Variants in ACAT1 observed in about 807,000 individuals in gnomAD.
ACAT1 encodes acetyl-CoA acetyltransferase, mitochondrial.
In ACAT1, 28 loss-of-function variants were observed where a neutral mutation model predicts 47.3. The observed-to-expected ratio is 0.59, with a 90% CI of 0.44 to 0.81. The LOEUF (loss-of-function observed/expected upper bound fraction) is 0.81, where lower values mean the gene tolerates loss of function less well. Among genes scored for constraint, ACAT1 ranks in the 30% least tolerant of loss-of-function variants. The pLI, the probability that ACAT1 is intolerant of heterozygous loss-of-function variation, is 0.00. For missense variants in ACAT1, 469 were observed against 524.3 expected (o/e 0.89, Z 1.03); for synonymous variants, 181 against 173.6 (o/e 1.04, Z -0.34).
chr11:108,128,244 A>G lies in ACAT1; in HGVS notation c.73-3663A>G, dbSNP rs564225181. ...TGAACTGTAAAGAGGAGGTGAGGAC[A>G]AGCAAATAGACACTGTAGGTAACCT... On this transcript the variant is annotated intron_variant, in intron 1 of 11. Coordinates refer to ENST00000265838, the MANE Select transcript of ACAT1 (RefSeq NM_000019.4). Among the ~76,000 whole-genome samples, 12 of 152,342 alleles carry G rather than the reference A, an allele frequency of 7.9e-5. No homozygotes were observed. The South Asian group carries it at 2.5e-3, about 32-fold the overall frequency.
chr11:108,146,158 A>G (rs1227221594), intron 10 of ACAT1, 44 bp from the exon 11 acceptor site: 1 of 1,472,996 alleles, frequency 6.8e-7, no homozygotes, highest in Non-Finnish European at 9.5e-7. Flanking sequence ...GTAAGTTGTG[A>G]TTGCTAATTA....
In ACAT1 at chr11:108,141,369, C is replaced by CAAAAAAAAA. The variant is rs60002941; in HGVS notation, c.731-218_731-210dup. ...TAAGCAGGAGAGGGAAACCCTGCCT[C>CAAAAAAAAA]AAAAAAAAAAAAAAAAAAAAAAAAA... On this transcript the variant is annotated intron_variant, in intron 7 of 11. Transcript: ENST00000265838. 1.0e-2 allele frequency among the ~76,000 whole-genome samples: 689 copies of CAAAAAAAAA among 69,230 alleles called. 31 individuals carry two copies. The highest frequency in any genetic ancestry group is 0.023 in the East Asian group (37 of 1,602). The allele number at this position is 69,230 out of a possible 152,430, so 45.4% of individuals were successfully genotyped here.
chr11:108,141,716 T>C lies in ACAT1; in HGVS notation c.826+16T>C, dbSNP rs1439192058. On this transcript the variant is annotated intron_variant, in intron 8 of 11. Coordinates refer to ENST00000265838, the MANE Select transcript of ACAT1 (RefSeq NM_000019.4). ...AAAGAAAATGGTTAGTGTTAAGAAA[T>C]GAAGCATAAGAAAAAATTGAGCCAG... 3 of 1,589,228 alleles carry C rather than the reference T, an allele frequency of 1.9e-6. No individual in the cohort carries two copies. Among genetic ancestry groups the C allele is most frequent in the East Asian group, 2.2e-5 (1 of 44,668 alleles).
chr11:108,123,598 G>C (rs1415269700), intron 1 of ACAT1, among the ~76,000 whole-genome samples: 3 of 152,110 alleles, frequency 2.0e-5, no homozygotes, highest in African/African-American at 4.8e-5. Flanking sequence ...CATGTATTCT[G>C]CATCTATTTC....
Position 108,147,512 on chromosome 11 carries a change from T to TAAC in ACAT1, c.*123_*125dup. On this transcript the variant is annotated 3_prime_UTR_variant, in exon 12 of 12. Transcript: ENST00000265838. ...TTTCATTTTTTATTATTTTCTATGT[T>TAAC]AACTTTTAAAAATCAAAATGATGAA... The TAAC allele has an allele frequency of 7.7e-7, 1 of 1,291,260 alleles. No homozygotes were observed. Among genetic ancestry groups the TAAC allele is most frequent in the Non-Finnish European group, 1.1e-6 (1 of 929,292 alleles). The allele number at this position is 1,291,260 out of a possible 1,614,324, so 80.0% of individuals were successfully genotyped here.
Position 108,121,817 on chromosome 11 carries a change from C to G in ACAT1, c.72+139C>G, listed in dbSNP as rs2077155894. The G allele has an allele frequency of 9.3e-6, 9 of 971,538 alleles. No homozygotes were observed. The South Asian group carries it at 1.4e-4, about 15-fold the overall frequency. The allele number at this position is 971,538 out of a possible 1,614,324, so 60.2% of individuals were successfully genotyped here. On this transcript the variant is annotated intron_variant, in intron 1 of 11. Transcript: ENST00000265838. ...CCCCAGGACAGTCACGCGACGGGTT[C>G]TGGTCCAAAAACCGCCTAAGTGCTC...
chr11:108,130,300 T>A (rs1165355622), intron 1 of ACAT1, among the ~76,000 whole-genome samples: 3 of 152,204 alleles, frequency 2.0e-5, no homozygotes, highest in Non-Finnish European at 4.4e-5. Context: ...TACTTAGGGT[T>A]GTCCTTTGAG....
chr11:108,147,160 A>T, intron 11 of ACAT1, 110 bp from the exon 12 acceptor site: 1 of 1,287,654 alleles, frequency 7.8e-7, no homozygotes, highest in Non-Finnish European at 1.1e-6. Context: ...TTAATTCAGC[A>T]AGTAGTAGTG....
intron 6 of ACAT1, among the ~76,000 whole-genome samples, chr11:108,139,318 C>T (rs1243158298): frequency 5.9e-5 from 9 of 152,010 alleles, no homozygotes; most frequent in South Asian, 2.1e-4. Context: ...TGGCTGGGTG[C>T]GGTGGCTCTG....
intron 6 of ACAT1, chr11:108,139,261 G>C (rs1438626119): frequency 1.8e-6 from 1 of 548,678 alleles, no homozygotes; most frequent in Non-Finnish European, 3.2e-6. Flanking sequence ...CTGACGCTTA[G>C]CTGGCAACTG....
Position 108,135,132 on chromosome 11 carries a change from T to C in ACAT1, c.335-10T>C. Reference sequence around the variant, plus strand: ...ATCGGTTTTTCAAAAGTGACTTATATTGGTTTTAGGCTTACCTATTTCTAC... The same window carrying C: ...ATCGGTTTTTCAAAAGTGACTTATACTGGTTTTAGGCTTACCTATTTCTAC... On this transcript the variant is annotated splice_polypyrimidine_tract_variant and intron_variant, in intron 4 of 11. Coordinates refer to ENST00000265838, the MANE Select transcript of ACAT1 (RefSeq NM_000019.4). 2 of 1,600,942 alleles carry C rather than the reference T, an allele frequency of 1.2e-6. No individual in the cohort carries two copies. Among genetic ancestry groups the C allele is most frequent in the Non-Finnish European group, 1.7e-6 (2 of 1,168,270 alleles).
At chr11:108,139,190 C>G (rs2077531978) in intron 6 of ACAT1, 149 bp downstream of exon 6, 1 of 1,015,992 alleles carries the variant, frequency 9.8e-7, no homozygotes, top group East Asian at 2.6e-5. Context: ...TTTTGTATGC[C>G]TATTGCATCG....
intron 10 of ACAT1, among the ~76,000 whole-genome samples, chr11:108,145,226 G>GT (rs1324437148): frequency 6.6e-6 from 1 of 152,190 alleles, no homozygotes; most frequent in East Asian, 1.9e-4. Flanking sequence ...ATCATATAGT[G>GT]TAAGATTTTA....
intron 1 of ACAT1, among the ~76,000 whole-genome samples, chr11:108,123,214 G>T (rs2077183922): frequency 6.6e-6 from 1 of 151,998 alleles, no homozygotes; most frequent in Non-Finnish European, 1.5e-5. Flanking sequence ...CTCCAGCCTG[G>T]GCAACAGAGT....
At chr11:108,121,029 C>T (rs545739431), upstream of ACAT1, among the ~76,000 whole-genome samples, 29 of 152,146 alleles carry the variant, frequency 1.9e-4, no homozygotes, top group African/African-American at 5.3e-4. Flanking sequence ...GGTGAAACCC[C>T]GTCTCCACAA....
At chr11:108,122,769 G>A (rs2077175651) in intron 1 of ACAT1, among the ~76,000 whole-genome samples, 1 of 152,096 alleles carries the variant, frequency 6.6e-6, no homozygotes, top group African/African-American at 2.4e-5. Flanking sequence ...TGAGTTTTTA[G>A]CCTATTTGTT....
At chr11:108,137,937 C>CA (rs1255490494) in intron 5 of ACAT1, among the ~76,000 whole-genome samples, 1 of 150,376 alleles carries the variant, frequency 6.6e-6, no homozygotes. Context: ...ACAGCGAGAC[C>CA]TGTCTAAAAG....
chr11:108,139,411 T>C (rs1302496986), intron 6 of ACAT1, among the ~76,000 whole-genome samples: 1 of 151,902 alleles, frequency 6.6e-6, no homozygotes, highest in African/African-American at 2.4e-5. Context: ...GCCAATGTGG[T>C]GAGACCCTGT....
chr11:108,119,662 T>TCA (rs1284158137), upstream of ACAT1, among the ~76,000 whole-genome samples: 363 of 79,424 alleles, frequency 4.6e-3, no homozygotes, highest in African/African-American at 0.014. Context: ...TCTCTCTCTC[T>TCA]CACACACACA....
Sources: allele counts gnomAD v4.1 joint callset (sites outside exome capture counted in the v4.1 genomes callset), GRCh38; gene constraint gnomAD v4.1.1; transcripts MANE v1.5; gene names NCBI Gene and HGNC (gene_info 2026-07-23, HGNC 2026-07-21).